The following CDK10 variants were observed in gnomAD, a reference collection of about 807,000 sequenced individuals.
CDK10 encodes cyclin-dependent kinase 10.
In CDK10, 55 loss-of-function variants were observed where a neutral mutation model predicts 51.0. The ratio of observed to expected loss-of-function variants is 1.08; its 90% CI spans 0.87 to 1.35. The LOEUF is 1.35. CDK10 is among the 40% of genes most tolerant of loss of function. CDK10 has a pLI of 0.00. For missense variants in CDK10, 589 were observed against 485.1 expected, an observed-to-expected ratio of 1.21 and a Z score of -2.01; for synonymous variants, 255 against 199.1, an observed-to-expected ratio of 1.28 and a Z score of -2.36.
Position 89,694,682 on chromosome 16 carries a change from T to C in CDK10, c.686T>C (p.Leu229Pro). 7 of 1,589,522 alleles carry C rather than the reference T, an allele frequency of 4.4e-6. No individual in the cohort carries two copies. Among genetic ancestry groups the C allele is most frequent in the Non-Finnish European group, 6.0e-6 (7 of 1,168,930 alleles). The change falls in exon 10 of 13, where the codon CTG becomes CCG. Residue 229 changes from leucine to proline, a missense_variant. Coordinates refer to ENST00000353379, the MANE Select transcript of CDK10 (RefSeq NM_052988.5). ...SIDMWAVGCI[L>P]AELLAHRPLL... is the part of the protein sequence containing the mutation. ...CTCTGCAGGGCTGTGGGCTGCATAC[T>C]GGCCGAGCTGCTGGCGCACAGGCCT...
At chr16:89,689,051 G>A (rs1476901613) in intron 1 of CDK10, among the ~76,000 whole-genome samples, 2 of 150,980 alleles carry the variant, frequency 1.3e-5, no homozygotes, top group Non-Finnish European at 1.5e-5. Flanking sequence ...AGTGAACCAT[G>A]TTCTTGCCAC....
intron 1 of CDK10, 27 bp downstream of exon 1, chr16:89,686,824 C>T: frequency 2.5e-6 from 4 of 1,578,668 alleles, no homozygotes; most frequent in Non-Finnish European, 3.5e-6. Flanking sequence ...CCGGGCAGCT[C>T]TGCCCGCCTC....
chr16:89,692,671 GTC>G (rs1486560057), intron 6 of CDK10, 155 bp downstream of exon 6: 2 of 501,250 alleles, frequency 4.0e-6, no homozygotes, highest in East Asian at 3.6e-5. Flanking sequence ...TAGAGAAGGG[GTC>G]TCTCTGTGTT....
chr16:89,692,534 A>G lies in CDK10; in HGVS notation c.485+18A>G, dbSNP rs770441874. ...ATCCACAGGTGGGTGACAGCTAGGCAGAGTTGGAAGCACAAATTCGGCTGA... is the reference window on the plus strand; with the variant it reads ...ATCCACAGGTGGGTGACAGCTAGGCGGAGTTGGAAGCACAAATTCGGCTGA... On this transcript the variant is annotated intron_variant, in intron 6 of 12. Coordinates refer to ENST00000353379, the MANE Select transcript of CDK10 (RefSeq NM_052988.5). 1 of 1,561,600 alleles carries G rather than the reference A, an allele frequency of 6.4e-7. No homozygotes were observed. The highest frequency in any genetic ancestry group is 8.7e-7 in the Non-Finnish European group (1 of 1,153,306).
At chr16:89,687,441 A>T in intron 1 of CDK10, 1 of 455,650 alleles carries the variant, frequency 2.2e-6, no homozygotes, top group Non-Finnish European at 4.4e-6. Flanking sequence ...AGTAAGAATC[A>T]TTAACAGATC....
intron 8 of CDK10, chr16:89,693,761 C>T (rs2060564319): frequency 3.2e-5 from 18 of 556,212 alleles, no homozygotes; most frequent in East Asian, 9.2e-5. Context: ...GGCTGCTTCA[C>T]GGACTGAAGG....
chr16:89,693,204 T>C, intron 6 of CDK10, 70 bp from the exon 7 acceptor site: 2 of 1,376,018 alleles, frequency 1.5e-6, no homozygotes, highest in Non-Finnish European at 2.1e-6. Context: ...CTACGGGCAT[T>C]GGTGCCGTGG....
intron 1 of CDK10, chr16:89,687,514 G>C (rs1015348435): frequency 6.6e-6 from 3 of 456,096 alleles, no homozygotes; most frequent in Admixed American, 4.7e-5. Context: ...CGCTCACCGC[G>C]TTGAGAGCCG....
At chr16:89,694,551 C>G (rs56380063) in intron 9 of CDK10, 114 bp from the exon 10 acceptor site, 131,466 of 1,506,258 alleles carry the variant, frequency 0.087, 7,225 homozygotes, top group Middle Eastern at 0.11. Flanking sequence ...CCTGACCCAG[C>G]GTGCCTCACA....
rs746422526 is a variant in CDK10, at chr16:89,686,715, C to A, written c.5C>A (p.Ala2Glu). ...GAGGCGGGGCCAGCGCTCGGCATGG[C>A]GGAGCCAGATCTGGAGTGCGAGCAG... M[A>E]EPDLECEQIR... The change falls in exon 1 of 13, where the codon GCG becomes GAG. Residue 2 changes from alanine to glutamate, a missense_variant. By Grantham distance (107) the Ala-to-Glu change is moderately radical. Transcript: ENST00000353379. 6 of 1,600,198 alleles carry A rather than the reference C, an allele frequency of 3.7e-6. No homozygotes were observed. The highest frequency in any genetic ancestry group is 1.3e-5 in the African/African-American group (1 of 74,590).
At chr16:89,690,740 G>T in intron 3 of CDK10, 116 bp downstream of exon 3, 2 of 889,604 alleles carry the variant, frequency 2.2e-6, no homozygotes, top group South Asian at 1.4e-5. Context: ...CCGGCCTCTG[G>T]GAGGGTTCTG....
chr16:89,690,655 G>A (rs762909306), intron 3 of CDK10, 31 bp downstream of exon 3: 4 of 1,564,010 alleles, frequency 2.6e-6, no homozygotes, highest in East Asian at 2.2e-5. Context: ...TTGGGACCTC[G>A]CACTGGGAGG....
rs1420247770 is a variant in CDK10, at chr16:89,691,505, G to A, written c.295G>A (p.Val99Met). ...GCTCCGCCTGCGTCATCCGAACATC[G>A]TGGAGCTGAAGGAGGTGGTTGTGGG... ...LLLRLRHPNI[V>M]ELKEVVVGNH... The change falls in exon 4 of 13, where the codon GTG (valine) becomes ATG (methionine). Residue 99 changes from valine (V) to methionine (M), a missense_variant. Physicochemically the swap from Val to Met is conservative, Grantham distance 21 (BLOSUM62 1). Transcript: ENST00000353379. The A allele has an allele frequency of 6.2e-7, 1 of 1,613,980 alleles. No homozygotes were observed.
intron 3 of CDK10, 133 bp downstream of exon 3, chr16:89,690,757 C>T: frequency 1.3e-6 from 1 of 764,128 alleles, no homozygotes; most frequent in Non-Finnish European, 2.3e-6. Context: ...TCTGGTGTGG[C>T]CCAGCACATC....
chr16:89,688,145 A>G (rs867304355), intron 1 of CDK10, among the ~76,000 whole-genome samples: 1 of 136,748 alleles, frequency 7.3e-6, no homozygotes, highest in Admixed American at 8.4e-5. Context: ...GCAGTGGCGC[A>G]GTCTCGGCTC....
At chr16:89,687,366 A>C in intron 1 of CDK10, 1 of 429,240 alleles carries the variant, frequency 2.3e-6, no homozygotes, top group Non-Finnish European at 4.8e-6. Flanking sequence ...AGAGCCCTGA[A>C]CTTTGGCCGC....
chr16:89,689,997 T>G (rs116846145), intron 2 of CDK10: 348 of 154,958 alleles, frequency 2.2e-3, no homozygotes, highest in East Asian at 0.018. Context: ...CCTAGGAGTT[T>G]GAGGCTGCAG....
chr16:89,689,115 A>G lies in CDK10; in HGVS notation c.88-137A>G, dbSNP rs1458369094. ...ACTCAGTCTCAAAAAAAGAAAAAAA[A>G]AGCCCAAACGTGTGGTTGCCTTTCT... On this transcript the variant is annotated intron_variant, in intron 1 of 12. Coordinates refer to ENST00000353379, the MANE Select transcript of CDK10 (RefSeq NM_052988.5). 1.8e-5 allele frequency: 13 copies of G among 729,944 alleles called. No individual in the cohort carries two copies. In the Admixed American group the frequency reaches 3.2e-4, roughly 18 times the overall value. 45.2% of individuals were successfully genotyped at this position (729,944 alleles called of 1,614,324 possible). A position where few individuals can be genotyped will look rare whatever the true frequency, so the allele number is the denominator to read the frequency against.
At chr16:89,693,543 G>A (rs752975943) in intron 8 of CDK10, 76 bp downstream of exon 8, 29 of 1,447,408 alleles carry the variant, frequency 2.0e-5, no homozygotes, top group Middle Eastern at 2.2e-4. Context: ...ATGTCAGGCC[G>A]AAGCTGCAAC....
Sources: allele counts gnomAD v4.1 joint callset (sites outside exome capture counted in the v4.1 genomes callset), GRCh38; gene constraint gnomAD v4.1.1; transcripts MANE v1.5; gene names NCBI Gene and HGNC (gene_info 2026-07-23, HGNC 2026-07-21).